The following KCNK1 variants were observed in gnomAD, a reference collection of about 807,000 sequenced individuals.
The protein encoded by KCNK1 is potassium channel subfamily K member 1.
A neutral mutation model predicts 22.2 loss-of-function variants in KCNK1; 10 were observed. That is an observed-to-expected ratio of 0.45 (90% CI 0.28 to 0.76). The LOEUF is 0.76. Ranked by LOEUF, KCNK1 falls within the 30% of genes least tolerant of loss-of-function variation. The pLI is 0.14. For synonymous variants in KCNK1, 200 were observed against 186.4 expected, an observed-to-expected ratio of 1.07 and a Z score of -0.60; for missense variants, 378 against 421.0, an observed-to-expected ratio of 0.90 and a Z score of 0.89.
chr1:233,666,716 C>G lies in KCNK1; in HGVS notation c.477C>G (p.His159Gln). Reference sequence around the variant, plus strand: ...CTGTGGTCCAGCGCATCACCGTGCACGTCACCCGCAGGCCGGTCCTCTACT... The same window carrying G: ...CTGTGGTCCAGCGCATCACCGTGCAGGTCACCCGCAGGCCGGTCCTCTACT... ...LTAVVQRITV[H>Q]VTRRPVLYFH... The change falls in exon 2 of 3, where the codon CAC (histidine) becomes CAG (glutamine). Residue 159 changes from histidine to glutamine, a missense_variant. By Grantham distance (24) the His-to-Gln change is conservative (BLOSUM62 0). Coordinates refer to ENST00000366621, the MANE Select transcript of KCNK1 (RefSeq NM_002245.4). 1.9e-6 allele frequency: 3 copies of G among 1,614,098 alleles called. No homozygotes were observed. Among genetic ancestry groups the G allele is most frequent in the South Asian group, 1.1e-5 (1 of 91,080 alleles).
At chr1:233,637,312 C>G (rs1299478750) in intron 1 of KCNK1, 2 of 152,006 alleles carry the variant, frequency 1.3e-5, no homozygotes, top group Non-Finnish European at 2.9e-5. Flanking sequence ...GACCCCATAC[C>G]CAGGAAGCGA....
chr1:233,652,900 C>G (rs892026744), intron 1 of KCNK1, among the ~76,000 whole-genome samples: 1 of 152,180 alleles, frequency 6.6e-6, no homozygotes, highest in African/African-American at 2.4e-5. Flanking sequence ...GCTTTGACAT[C>G]TTGGGTTTTG....
intron 2 of KCNK1, among the ~76,000 whole-genome samples, chr1:233,668,698 C>T (rs1361923955): frequency 2.6e-5 from 4 of 152,166 alleles, no homozygotes; most frequent in East Asian, 1.9e-4. Flanking sequence ...CTCCACCTCC[C>T]GGGTTCAAGC....
intron 1 of KCNK1, among the ~76,000 whole-genome samples, chr1:233,615,627 T>C (rs1418055215): frequency 6.6e-6 from 1 of 152,198 alleles, no homozygotes; most frequent in Non-Finnish European, 1.5e-5. Flanking sequence ...TCCTGGAACC[T>C]GGGCCTTGTG....
chr1:233,631,626 G>A (rs529901539), intron 1 of KCNK1: 6 of 255,932 alleles, frequency 2.3e-5, no homozygotes, highest in African/African-American at 1.2e-4. Flanking sequence ...AATGTGGCGT[G>A]TGTCAGGGTA....
At chr1:233,634,263 G>A (rs1179169987) in intron 1 of KCNK1, among the ~76,000 whole-genome samples, 4 of 149,556 alleles carry the variant, frequency 2.7e-5, no homozygotes, top group East Asian at 2.0e-4. Context: ...CTGAGATCTC[G>A]CCACTGCACT....
At chr1:233,630,075 G>A (rs189724961) in intron 1 of KCNK1, among the ~76,000 whole-genome samples, 7 of 152,276 alleles carry the variant, frequency 4.6e-5, no homozygotes, top group African/African-American at 1.4e-4. Context: ...CTTCTGAGAG[G>A]TGGGCAATGG....
At chr1:233,626,428 C>T (rs565357099) in intron 1 of KCNK1, among the ~76,000 whole-genome samples, 39 of 152,198 alleles carry the variant, frequency 2.6e-4, no homozygotes, top group African/African-American at 8.7e-4. Context: ...ACAAGGCACA[C>T]AGTAAACCCT....
intron 1 of KCNK1, among the ~76,000 whole-genome samples, chr1:233,622,528 ACTTT>A (rs1289599175): frequency 6.6e-6 from 1 of 152,116 alleles, no homozygotes; most frequent in Non-Finnish European, 1.5e-5. Context: ...CTGTACTCTG[ACTTT>A]CTTTGTTTCT....
chr1:233,648,320 C>T (rs1011702051), intron 1 of KCNK1, among the ~76,000 whole-genome samples: 2 of 152,084 alleles, frequency 1.3e-5, no homozygotes, highest in Non-Finnish European at 1.5e-5. Flanking sequence ...TGGTTATTTT[C>T]GAACATATAC....
At chr1:233,669,619 A>G (rs765463431) in intron 2 of KCNK1, among the ~76,000 whole-genome samples, 10 of 152,188 alleles carry the variant, frequency 6.6e-5, no homozygotes, top group Non-Finnish European at 1.2e-4. Context: ...AGACGAAGGC[A>G]GGCAGATCAC....
chr1:233,614,576 C>A, intron 1 of KCNK1, 50 bp downstream of exon 1: 4 of 1,421,500 alleles, frequency 2.8e-6, no homozygotes, highest in Non-Finnish European at 3.8e-6. Context: ...TCGCCCACAA[C>A]CCACACACCC....
At chr1:233,645,623 C>T (rs1005896734) in intron 1 of KCNK1, among the ~76,000 whole-genome samples, 1 of 152,140 alleles carries the variant, frequency 6.6e-6, no homozygotes, top group Non-Finnish European at 1.5e-5. Flanking sequence ...CAGATTTTTG[C>T]CCTGCAGAAA....
intron 2 of KCNK1, among the ~76,000 whole-genome samples, chr1:233,667,490 G>A (rs1658513154): frequency 6.6e-6 from 1 of 152,046 alleles, no homozygotes; most frequent in South Asian, 2.1e-4. Flanking sequence ...CAGCACTTTG[G>A]GAGGCCGAGG....
chr1:233,644,804 G>A (rs947888929), intron 1 of KCNK1, among the ~76,000 whole-genome samples: 1 of 152,140 alleles, frequency 6.6e-6, no homozygotes, highest in Non-Finnish European at 1.5e-5. Flanking sequence ...GAGGTTGTCG[G>A]GGGCCAGATC....
chr1:233,648,497 A>G (rs1188884123), intron 1 of KCNK1, among the ~76,000 whole-genome samples: 3 of 151,636 alleles, frequency 2.0e-5, no homozygotes, highest in African/African-American at 7.3e-5. Flanking sequence ...GAGATGCTGT[A>G]GTAACATGGT....
chr1:233,614,715 G>C (rs1458102167), intron 1 of KCNK1, among the ~76,000 whole-genome samples, 189 bp downstream of exon 1: 1 of 148,476 alleles, frequency 6.7e-6, no homozygotes, highest in Non-Finnish European at 1.5e-5. Flanking sequence ...TGGCGTCCCC[G>C]GCCTCTGCCT....
At chr1:233,614,642 C>T in intron 1 of KCNK1, 116 bp downstream of exon 1, 1 of 786,532 alleles carries the variant, frequency 1.3e-6, no homozygotes, top group Non-Finnish European at 2.0e-6. Flanking sequence ...CACCTTTCGC[C>T]ATCCCGGCTC....
intron 1 of KCNK1, among the ~76,000 whole-genome samples, chr1:233,619,390 A>C (rs1392285256): frequency 2.0e-5 from 3 of 152,040 alleles, no homozygotes; most frequent in Non-Finnish European, 2.9e-5. Flanking sequence ...TTATGAAGAG[A>C]TGCATTGAAA....
Sources: gnomAD v4.1 joint callset for allele counts (sites outside exome capture counted in the v4.1 genomes callset) on GRCh38, gnomAD v4.1.1 for gene constraint, MANE v1.5 for transcripts, NCBI Gene and HGNC (gene_info 2026-07-23, HGNC 2026-07-21) for gene names.